The following PCDHA11 variants were observed in gnomAD, a reference collection of about 807,000 sequenced individuals.
PCDHA11 encodes protocadherin alpha 11, also known as protocadherin alpha-11.
Under a neutral mutation model 70.3 loss-of-function variants are expected in PCDHA11, and 61 were observed. The ratio of observed to expected loss-of-function variants is 0.87; its 90% CI spans 0.71 to 1.07. The LOEUF is 1.07. PCDHA11 is among the 50% of genes least tolerant of loss of function. The pLI is 0.00. For synonymous variants in PCDHA11, 633 were observed against 555.1 expected (o/e 1.14, Z -1.97); for missense variants, 1,324 against 1,237.5 (o/e 1.07, Z -1.05).
At chr5:140,908,529 T>C (rs1250814293) in intron 1 of PCDHA11, among the ~76,000 whole-genome samples, 1 of 152,178 alleles carries the variant, frequency 6.6e-6, no homozygotes, top group Non-Finnish European at 1.5e-5. Flanking sequence ...AAATGTTCAG[T>C]TTCCACCAAA....
At chr5:140,917,305 C>T (rs1554197951) in intron 1 of PCDHA11, among the ~76,000 whole-genome samples, 1 of 137,094 alleles carries the variant, frequency 7.3e-6, no homozygotes, top group African/African-American at 2.7e-5. Flanking sequence ...ATAGTTGTTA[C>T]AATTTGGTGT....
At chr5:140,989,802 G>C (rs2153885493) in intron 3 of PCDHA11, among the ~76,000 whole-genome samples, 2 of 152,336 alleles carry the variant, frequency 1.3e-5, no homozygotes, top group South Asian at 4.1e-4. Flanking sequence ...CCAGGAAAGG[G>C]CCATAAGATT....
At chr5:140,876,724 G>T (rs140611870) in intron 1 of PCDHA11, 2 of 1,614,246 alleles carry the variant, frequency 1.2e-6, no homozygotes, top group Non-Finnish European at 1.7e-6. Context: ...CCGCGAGAGC[G>T]TGTCGGCCTA....
chr5:140,927,670 C>A lies in PCDHA11; in HGVS notation c.2392-51279C>A, dbSNP rs1006141153. ...GTTATTCCGAGTTCAAGCCTTGGATCCAGATGAAGGGTCCAATGGGGAAGT... is the reference window on the plus strand; with the variant it reads ...GTTATTCCGAGTTCAAGCCTTGGATACAGATGAAGGGTCCAATGGGGAAGT... On this transcript the variant is annotated intron_variant, in intron 1 of 3. Transcript: ENST00000398640. 2.5e-6 allele frequency: 4 copies of A among 1,614,166 alleles called. No homozygotes were observed. The highest frequency in any genetic ancestry group is 3.4e-6 in the Non-Finnish European group (4 of 1,180,028).
Position 140,901,240 on chromosome 5 carries a change from C to T in PCDHA11, c.2391+29746C>T, listed in dbSNP as rs868923936. 8.9e-4 allele frequency among the ~76,000 whole-genome samples: 135 copies of T among 151,946 alleles called. 1 individual carries two copies. Among genetic ancestry groups the T allele is most frequent in the Middle Eastern group, 6.8e-3 (2 of 294 alleles). The stretch of plus-strand genomic sequence containing the variant: ...TGTGATCCCATATATCCATTTTTTT[C>T]CTTTGGTTCCCTGTGATTGTGGGGT... On this transcript the variant is annotated intron_variant, in intron 1 of 3. Transcript: ENST00000398640.
chr5:140,928,709 C>T (rs1563108337), intron 1 of PCDHA11: 1 of 1,614,180 alleles, frequency 6.2e-7, no homozygotes, highest in Non-Finnish European at 8.5e-7. Context: ...GCGTCTGACT[C>T]TAGTCTCTTT....
rs139625618 is a variant in PCDHA11 at position 141,008,025 on chromosome 5, T to C, written c.2540-1602T>C. 1.8e-3 allele frequency among the ~76,000 whole-genome samples: 273 copies of C among 152,354 alleles called. 1 individual carries two copies. Among genetic ancestry groups the C allele is most frequent in the Middle Eastern group, 6.8e-3 (2 of 294 alleles). Reference sequence around the variant, plus strand: ...TAAACTTCTGTTTCCTTTTTTTTCTTGTTAATCTGCCTTTTGTAACAGGGG... The same window carrying C: ...TAAACTTCTGTTTCCTTTTTTTTCTCGTTAATCTGCCTTTTGTAACAGGGG... On this transcript the variant is annotated intron_variant, in intron 3 of 3. Transcript: ENST00000398640.
chr5:140,928,068 CA>C, intron 1 of PCDHA11: 1 of 1,614,214 alleles, frequency 6.2e-7, no homozygotes, highest in South Asian at 1.1e-5. Context: ...CTTCCTTTGA[CA>C]ACTACTACAG....
intron 1 of PCDHA11, among the ~76,000 whole-genome samples, chr5:140,975,386 G>A (rs2096665314): frequency 6.6e-6 from 1 of 152,252 alleles, no homozygotes; most frequent in Admixed American, 6.5e-5. Flanking sequence ...ATGGGAATAA[G>A]ATCCATCACA....
At chr5:140,977,104 A>C (rs2096746104) in intron 1 of PCDHA11, among the ~76,000 whole-genome samples, 1 of 152,242 alleles carries the variant, frequency 6.6e-6, no homozygotes, top group Admixed American at 6.5e-5. Flanking sequence ...TGGGGAAGTG[A>C]GATTGTATAA....
At chr5:140,957,548 T>C (rs1554223015) in intron 1 of PCDHA11, among the ~76,000 whole-genome samples, 1 of 152,154 alleles carries the variant, frequency 6.6e-6, no homozygotes, top group Non-Finnish European at 1.5e-5. Flanking sequence ...GAAAGTATTC[T>C]CTGTGGAAAA....
chr5:140,929,159 A>G lies in PCDHA11; in HGVS notation c.2392-49790A>G, dbSNP rs781818133. The G allele has an allele frequency of 1.7e-5, 27 of 1,613,968 alleles. No homozygotes were observed. Among genetic ancestry groups the G allele is most frequent in the South Asian group, 1.4e-4 (13 of 91,088 alleles). On this transcript the variant is annotated intron_variant, in intron 1 of 3. Coordinates refer to ENST00000398640, the MANE Select transcript of PCDHA11 (RefSeq NM_018902.5). The stretch of plus-strand genomic sequence containing the variant: ...GAGAGACTTTCTCAGACTTATCTCT[A>G]TCGGGCCTCTCTGGGACTTGGTTCT...
intron 1 of PCDHA11, chr5:140,877,152 C>A (rs1662783035): frequency 6.2e-7 from 1 of 1,613,688 alleles, no homozygotes; most frequent in Non-Finnish European, 8.5e-7. Context: ...ACGAGAACGA[C>A]AACGCGCCGG....
chr5:140,917,450 G>A (rs1220183879), intron 1 of PCDHA11, among the ~76,000 whole-genome samples: 2 of 152,010 alleles, frequency 1.3e-5, no homozygotes, highest in Non-Finnish European at 2.9e-5. Context: ...CTGCAAGAGC[G>A]TTTGGCATCT....
In PCDHA11 at chr5:140,973,293, A is replaced by G. The variant is rs150966135; in HGVS notation, c.2392-5656A>G. Among the ~76,000 whole-genome samples, 103 of 152,230 alleles carry G rather than the reference A, an allele frequency of 6.8e-4. No homozygotes were observed. The East Asian group carries it at 0.019, about 27-fold the overall frequency. On this transcript the variant is annotated intron_variant, in intron 1 of 3. Transcript: ENST00000398640. ...TATTTCCCCCAGCACTGATTTTTCT[A>G]TCTGATGACTCTATCCTGGAACAGA...
At chr5:140,998,099 CAGA>C (rs2097796305) in intron 3 of PCDHA11, among the ~76,000 whole-genome samples, 1 of 152,130 alleles carries the variant, frequency 6.6e-6, no homozygotes, top group African/African-American at 2.4e-5. Context: ...CTAGAGCAAA[CAGA>C]GGAGAAAATT....
chr5:140,985,170 C>T (rs1465909141), intron 3 of PCDHA11, among the ~76,000 whole-genome samples: 12 of 152,168 alleles, frequency 7.9e-5, no homozygotes, highest in African/African-American at 2.9e-4. Flanking sequence ...ATCTCCTGAC[C>T]TCGTAATCCG....
rs370676797 is a variant in PCDHA11, at chr5:141,009,968, A to G, written c.*31A>G. On this transcript the variant is annotated 3_prime_UTR_variant, in exon 4 of 4. Transcript: ENST00000398640. ...TCAAATGGAAACAAGCCACTTAGCC[A>G]GTTTTTGTAATAATGGCAAATCTCT... 1.4e-5 allele frequency: 22 copies of G among 1,586,626 alleles called. No homozygotes were observed. The highest frequency in any genetic ancestry group is 1.6e-5 in the Non-Finnish European group (19 of 1,169,786).
rs529585383 is a variant in PCDHA11 at position 140,982,571 on chromosome 5, G to T, written c.2539+8G>T. 243 of 1,613,888 alleles carry T rather than the reference G, an allele frequency of 1.5e-4. 4 individuals carry two copies. The South Asian group carries it at 2.5e-3, about 17-fold the overall frequency. ...TATCCAGTGCAACACCAGGTAAAGAGCTGGGGTCTCTCCATTCTTTCTTGG... is the reference window on the plus strand; with the variant it reads ...TATCCAGTGCAACACCAGGTAAAGATCTGGGGTCTCTCCATTCTTTCTTGG... On this transcript the variant is annotated splice_region_variant and intron_variant, in intron 3 of 3. Transcript: ENST00000398640.
Sources: gnomAD v4.1 joint callset for allele counts (sites outside exome capture counted in the v4.1 genomes callset) on GRCh38, gnomAD v4.1.1 for gene constraint, MANE v1.5 for transcripts, NCBI Gene and HGNC (gene_info 2026-07-23, HGNC 2026-07-21) for gene names.